ZNF766: variants seen among roughly 807,000 people sequenced by gnomAD.
The protein encoded by ZNF766 is zinc finger protein 766.
A neutral mutation model predicts 13.2 loss-of-function variants in ZNF766; 13 were observed. The observed-to-expected ratio is 0.98, with a 90% confidence interval of 0.64 to 1.56. The LOEUF (loss-of-function observed/expected upper bound fraction) is 1.56, where lower values mean the gene tolerates loss of function less well. Ranked by LOEUF, ZNF766 falls within the 40% of genes most tolerant of loss-of-function variation. ZNF766 has a pLI of 0.00. For missense variants in ZNF766, 521 were observed against 552.2 expected (o/e 0.94, Z 0.57); for synonymous variants, 178 against 187.6 (o/e 0.95, Z 0.42).
chr19:52,282,940 C>A (rs1016500720), intron 2 of ZNF766, among the ~76,000 whole-genome samples: 1 of 152,068 alleles, frequency 6.6e-6, no homozygotes, highest in Non-Finnish European at 1.5e-5. Context: ...TTCTTGAATT[C>A]TTGATTAGTT....
At chr19:52,280,959 A>T (rs940357797) in intron 1 of ZNF766, among the ~76,000 whole-genome samples, 17 of 151,438 alleles carry the variant, frequency 1.1e-4, no homozygotes, top group African/African-American at 4.1e-4. Context: ...GGAGTTCGAG[A>T]CCAGCCTGAC....
chr19:52,289,837 A>G (rs1411445662), intron 3 of ZNF766, among the ~76,000 whole-genome samples: 1 of 152,092 alleles, frequency 6.6e-6, no homozygotes, highest in East Asian at 1.9e-4. Context: ...CGTCTCTACT[A>G]AAAATACAAA....
At chr19:52,280,705 C>T (rs996595111) in intron 1 of ZNF766, among the ~76,000 whole-genome samples, 1 of 152,008 alleles carries the variant, frequency 6.6e-6, no homozygotes, top group Admixed American at 6.6e-5. Flanking sequence ...GCCTCAGCCT[C>T]CCGAGTAGCT....
intron 1 of ZNF766, among the ~76,000 whole-genome samples, chr19:52,272,009 T>C (rs2079025777): frequency 7.0e-6 from 1 of 143,622 alleles, no homozygotes; most frequent in Non-Finnish European, 1.5e-5. Flanking sequence ...AAAGCACAGA[T>C]GAAGCCTTCA....
intron 3 of ZNF766, among the ~76,000 whole-genome samples, chr19:52,288,527 C>G (rs1408054057): frequency 2.6e-5 from 4 of 151,962 alleles, no homozygotes; most frequent in African/African-American, 9.7e-5. Flanking sequence ...GACACTGTGC[C>G]TCACTAATTA....
rs905878819 is a variant in ZNF766 at position 52,292,399 on chromosome 19, A to G, written c.*1201A>G. The G allele has an allele frequency of 7.6e-6, 4 of 525,544 alleles. No homozygotes were observed. The highest frequency in any genetic ancestry group is 5.5e-5 in the South Asian group (2 of 36,146). 32.6% of individuals were successfully genotyped at this position (525,544 alleles called of 1,614,324 possible). ...GCTGTGCTCTACAAATGACCATGAA[A>G]TAGAGCACGCCATGACTTTAGGACA... is the stretch of plus-strand genomic sequence containing the variant. On this transcript the variant is annotated 3_prime_UTR_variant, in exon 4 of 4. Transcript: ENST00000439461.
chr19:52,287,737 T>G (rs868728992), intron 3 of ZNF766, among the ~76,000 whole-genome samples: 2 of 152,346 alleles, frequency 1.3e-5, no homozygotes, highest in Middle Eastern at 3.4e-3. Flanking sequence ...TTATCCATTT[T>G]TTTCTTGGTT....
chr19:52,285,078 T>C (rs2122483326), intron 3 of ZNF766: 1 of 152,254 alleles, frequency 6.6e-6, no homozygotes. Flanking sequence ...TTTCTATACC[T>C]GCAGATATAG....
At chr19:52,288,774 G>A (rs1044195636) in intron 3 of ZNF766, among the ~76,000 whole-genome samples, 5 of 149,386 alleles carry the variant, frequency 3.3e-5, no homozygotes, top group Non-Finnish European at 7.4e-5. Flanking sequence ...GAGTTTTGCT[G>A]TGTTATATTT....
At chr19:52,283,828 C>CT (rs1352597140) in intron 3 of ZNF766, among the ~76,000 whole-genome samples, 1 of 152,212 alleles carries the variant, frequency 6.6e-6, no homozygotes, top group African/African-American at 2.4e-5. Flanking sequence ...ACCTCCGCCT[C>CT]CCGGGTACAA....
At chr19:52,285,845 A>C (rs1981789892) in intron 3 of ZNF766, among the ~76,000 whole-genome samples, 1 of 152,164 alleles carries the variant, frequency 6.6e-6, no homozygotes, top group South Asian at 2.1e-4. Context: ...TATTTTTCTT[A>C]AGGTCTGCAG....
At chr19:52,286,146 A>G (rs921699218) in intron 3 of ZNF766, among the ~76,000 whole-genome samples, 3 of 137,976 alleles carry the variant, frequency 2.2e-5, no homozygotes, top group Admixed American at 7.2e-5. Flanking sequence ...GAGCTCAATT[A>G]AAAAAAAAAA....
chr19:52,275,970 C>T (rs558468076), intron 1 of ZNF766, among the ~76,000 whole-genome samples: 2 of 152,314 alleles, frequency 1.3e-5, no homozygotes, highest in Admixed American at 6.5e-5. Context: ...CATGAGCCGC[C>T]GTGCCTGGCC....
At chr19:52,279,789 CTTTTTTTT>C (rs984101828) in intron 1 of ZNF766, among the ~76,000 whole-genome samples, 5 of 64,876 alleles carry the variant, frequency 7.7e-5, no homozygotes, top group African/African-American at 2.8e-4. Flanking sequence ...TTTACCTTTT[CTTTTTTTT>C]TTTTTTTTTT....
intron 1 of ZNF766, among the ~76,000 whole-genome samples, chr19:52,278,000 T>C (rs1981298207): frequency 7.2e-6 from 1 of 137,992 alleles, no homozygotes; most frequent in Non-Finnish European, 1.5e-5. Context: ...GAGACAAGAG[T>C]CTTGCTCTGT....
intron 3 of ZNF766, among the ~76,000 whole-genome samples, chr19:52,289,771 C>T (rs62110443): frequency 0.082 from 12,445 of 152,032 alleles, 1,110 homozygotes; most frequent in African/African-American, 0.22. Context: ...GAGGCCACGG[C>T]GGGCGGATCA....
At chr19:52,269,771 A>T (rs1053591220) in intron 1 of ZNF766, 140 bp downstream of exon 1, 1 of 1,186,822 alleles carries the variant, frequency 8.4e-7, no homozygotes, top group Non-Finnish European at 1.2e-6. Flanking sequence ...GTCCCGTCAG[A>T]GTGTTAAAAT....
At position 52,290,643 on chromosome 19, in the gene ZNF766, A is replaced by G. The variant is rs1982089072; in HGVS notation, c.852A>G (p.Thr284=). ...NECGKVFSRI[T]YLVRHQKIHT... ...GTGGCAAGGTCTTCAGTCGAATTACATACCTTGTACGACATCAGAAAATTC... is the reference window on the plus strand; with the variant it reads ...GTGGCAAGGTCTTCAGTCGAATTACGTACCTTGTACGACATCAGAAAATTC... The change falls in exon 4 of 4, where the codon ACA becomes ACG. Residue 284 remains threonine, a synonymous_variant. Coordinates refer to ENST00000439461, the MANE Select transcript of ZNF766 (RefSeq NM_001010851.3). The G allele has an allele frequency of 2.5e-6, 4 of 1,614,016 alleles. No individual in the cohort carries two copies. The highest frequency in any genetic ancestry group is 3.4e-6 in the Non-Finnish European group (4 of 1,179,938).
At chr19:52,279,223 A>T (rs1417158020) in intron 1 of ZNF766, among the ~76,000 whole-genome samples, 2 of 152,000 alleles carry the variant, frequency 1.3e-5, no homozygotes. Flanking sequence ...ATTCTGTTCC[A>T]TTGGTCTTTG....
Sources: allele counts gnomAD v4.1 joint callset (sites outside exome capture counted in the v4.1 genomes callset), GRCh38; gene constraint gnomAD v4.1.1; transcripts MANE v1.5; gene names NCBI Gene and HGNC (gene_info 2026-07-23, HGNC 2026-07-21).